Variants in CEP112 observed in about 807,000 individuals in gnomAD.
The protein encoded by CEP112 is centrosomal protein of 112 kDa.
Under a neutral mutation model 153.0 loss-of-function variants are expected in CEP112, and 127 were observed. That is an observed-to-expected ratio of 0.83 (90% CI 0.72 to 0.96). CEP112 has a LOEUF of 0.96. CEP112 is among the 40% of genes least tolerant of loss of function. The pLI is 0.00. For missense variants in CEP112, 1,089 were observed against 1,101.2 expected, an observed-to-expected ratio of 0.99 and a Z score of 0.16; for synonymous variants, 358 against 374.4, an observed-to-expected ratio of 0.96 and a Z score of 0.51.
intron 19 of CEP112, among the ~76,000 whole-genome samples, chr17:65,926,221 T>C (rs1444818728): frequency 6.6e-6 from 1 of 152,156 alleles, no homozygotes; most frequent in Non-Finnish European, 1.5e-5. Flanking sequence ...TCCAGCTTGC[T>C]CTCTTCTCAG....
intron 21 of CEP112, among the ~76,000 whole-genome samples, chr17:65,842,371 A>G (rs1483005508): frequency 1.3e-5 from 2 of 152,240 alleles, no homozygotes; most frequent in East Asian, 3.9e-4. Flanking sequence ...CTAGACTTTG[A>G]AGTTAAGCTA....
intron 24 of CEP112, among the ~76,000 whole-genome samples, chr17:65,684,070 C>G (rs2047668324): frequency 1.3e-5 from 2 of 151,812 alleles, no homozygotes; most frequent in African/African-American, 4.8e-5. Flanking sequence ...AAAACAAAAC[C>G]AACTTCCATT....
At position 66,024,466 on chromosome 17, in the gene CEP112, G is replaced by C. The variant is rs140493250; in HGVS notation, c.1656+3035C>G. On this transcript the variant is annotated intron_variant, in intron 16 of 26. Transcript: ENST00000535342. ...CTCTTAAATATTAAAACTGAATTCA[G>C]TAAATTTTAGGATACAAAATCAATG... 3.5e-4 allele frequency among the ~76,000 whole-genome samples: 53 copies of C among 152,038 alleles called. 2 individuals are homozygous for C. In the East Asian group the frequency reaches 0.01, roughly 29 times the overall value.
At chr17:65,938,980 T>G (rs764365720) in intron 18 of CEP112, among the ~76,000 whole-genome samples, 1 of 151,918 alleles carries the variant, frequency 6.6e-6, no homozygotes, top group Non-Finnish European at 1.5e-5. Context: ...CCCAACTAAT[T>G]GTTGTATTTT....
chr17:66,190,905 G>GAA, intron 1 of CEP112, among the ~76,000 whole-genome samples: 1 of 152,282 alleles, frequency 6.6e-6, no homozygotes, highest in South Asian at 2.1e-4. Context: ...TGGAAGTTGT[G>GAA]TAAAACCCAT....
chr17:65,816,302 C>A (rs1272101739), intron 21 of CEP112, among the ~76,000 whole-genome samples: 1 of 151,608 alleles, frequency 6.6e-6, no homozygotes, highest in South Asian at 2.1e-4. Context: ...ATTTTTTATT[C>A]CCATAGGTTA....
chr17:66,056,975 T>C (rs952845612), intron 11 of CEP112, among the ~76,000 whole-genome samples: 3 of 152,000 alleles, frequency 2.0e-5, no homozygotes, highest in Non-Finnish European at 4.4e-5. Context: ...GGAAGAAGAA[T>C]TGTGAGAAAA....
chr17:65,660,830 G>T (rs181322575), intron 24 of CEP112, among the ~76,000 whole-genome samples: 1 of 152,036 alleles, frequency 6.6e-6, no homozygotes, highest in Admixed American at 6.5e-5. Flanking sequence ...CCACAGCGCC[G>T]CCTGGCCATA....
chr17:65,753,346 G>T (rs907085193), intron 21 of CEP112, among the ~76,000 whole-genome samples: 6 of 152,106 alleles, frequency 3.9e-5, no homozygotes, highest in Non-Finnish European at 8.8e-5. Flanking sequence ...AGTGGATGCC[G>T]TACAAGCCCT....
intron 21 of CEP112, among the ~76,000 whole-genome samples, chr17:65,819,000 T>G (rs1478691352): frequency 6.6e-6 from 1 of 151,970 alleles, no homozygotes; most frequent in Non-Finnish European, 1.5e-5. Flanking sequence ...CATATTACAC[T>G]TGTCCTCTTG....
chr17:65,727,575 G>T (rs1374971007), intron 23 of CEP112, among the ~76,000 whole-genome samples: 1 of 152,168 alleles, frequency 6.6e-6, no homozygotes, highest in African/African-American at 2.4e-5. Context: ...GATAAATTGG[G>T]ATGAAGGAAA....
At chr17:65,990,806 G>C (rs1386017911) in intron 17 of CEP112, among the ~76,000 whole-genome samples, 3 of 152,242 alleles carry the variant, frequency 2.0e-5, no homozygotes, top group Admixed American at 1.3e-4. Context: ...AGCCAGAAAG[G>C]CTGAAGGGAA....
intron 16 of CEP112, among the ~76,000 whole-genome samples, chr17:66,015,385 AT>A (rs5821558): frequency 0.41 from 62,454 of 151,848 alleles, 14,299 homozygotes; most frequent in East Asian, 0.87. Flanking sequence ...GTTCTTGAGT[AT>A]TTTTTTTGTT....
At chr17:65,863,749 C>A (rs200887210) in intron 20 of CEP112, among the ~76,000 whole-genome samples, 492 of 125,370 alleles carry the variant, frequency 3.9e-3, no homozygotes, top group Non-Finnish European at 4.3e-3. Context: ...GACTCTGTCT[C>A]AAAAAAAAAA....
intron 21 of CEP112, among the ~76,000 whole-genome samples, chr17:65,775,257 A>G (rs2053612159): frequency 6.6e-6 from 1 of 151,992 alleles, no homozygotes; most frequent in Non-Finnish European, 1.5e-5. Flanking sequence ...TGGGACACGG[A>G]GTCAGAGGAA....
At chr17:65,648,959 A>G (rs1032485448) in intron 24 of CEP112, among the ~76,000 whole-genome samples, 1 of 151,980 alleles carries the variant, frequency 6.6e-6, no homozygotes, top group Non-Finnish European at 1.5e-5. Context: ...GCTGAGGCAG[A>G]AGAATCGCTT....
intron 24 of CEP112, among the ~76,000 whole-genome samples, chr17:65,685,776 G>A (rs1490031867): frequency 7.4e-5 from 11 of 148,722 alleles, no homozygotes; most frequent in Admixed American, 5.5e-4. Flanking sequence ...AGGTTCAAGC[G>A]ATTCTCCTGC....
intron 17 of CEP112, among the ~76,000 whole-genome samples, chr17:65,976,746 T>TTC (rs2063050647): frequency 6.8e-6 from 1 of 147,588 alleles, no homozygotes; most frequent in African/African-American, 2.5e-5. Context: ...TTTTTTTTTT[T>TTC]TTTTTTTTGA....
rs1436697417 is a variant in CEP112, at chr17:65,766,584, A to G, written c.2395-15860T>C. On this transcript the variant is annotated intron_variant, in intron 21 of 26. Transcript: ENST00000535342. The stretch of plus-strand genomic sequence containing the variant: ...TAAATTTTCCAATCCAAAGACACAG[A>G]GTAGTTCAATGAACAAAAAATCAAG... 2.6e-5 allele frequency among the ~76,000 whole-genome samples: 4 copies of G among 152,170 alleles called. No individual in the cohort carries two copies. In the East Asian group the frequency reaches 7.7e-4, roughly 29 times the overall value.
Sources: gnomAD v4.1 joint callset for allele counts (sites outside exome capture counted in the v4.1 genomes callset) on GRCh38, gnomAD v4.1.1 for gene constraint, MANE v1.5 for transcripts, NCBI Gene and HGNC (gene_info 2026-07-23, HGNC 2026-07-21) for gene names.